The following TMEM117 variants were observed in gnomAD, a reference collection of about 807,000 sequenced individuals.
The protein encoded by TMEM117 is transmembrane protein 117.
A neutral mutation model predicts 52.4 loss-of-function variants in TMEM117; 27 were observed. The observed-to-expected ratio is 0.51, with a 90% CI of 0.38 to 0.71. The LOEUF (loss-of-function observed/expected upper bound fraction) is 0.71. Ranked by LOEUF, TMEM117 falls within the 30% of genes least tolerant of loss-of-function variation. The pLI is 0.00. For missense variants in TMEM117, 556 were observed against 630.5 expected (o/e 0.88, Z 1.26); for synonymous variants, 215 against 206.3 (o/e 1.04, Z -0.36).
chr12:44,041,449 C>T (rs1399273128), intron 3 of TMEM117, among the ~76,000 whole-genome samples: 1 of 152,058 alleles, frequency 6.6e-6, no homozygotes, highest in Non-Finnish European at 1.5e-5. Context: ...CACTACCTCT[C>T]AGTAATGTTT....
At chr12:44,267,031 G>T (rs1024339882) in intron 5 of TMEM117, among the ~76,000 whole-genome samples, 8 of 152,014 alleles carry the variant, frequency 5.3e-5, no homozygotes, top group African/African-American at 1.7e-4. Flanking sequence ...TTTAGGATTA[G>T]CTTGTCAATT....
chr12:44,050,661 C>T (rs1049708945), intron 3 of TMEM117, among the ~76,000 whole-genome samples: 7 of 152,156 alleles, frequency 4.6e-5, no homozygotes, highest in African/African-American at 1.7e-4. Flanking sequence ...TATGTTGTGG[C>T]ATTGTGCTTG....
chr12:44,312,571 T>C (rs1007577732), intron 6 of TMEM117, among the ~76,000 whole-genome samples: 2 of 152,232 alleles, frequency 1.3e-5, no homozygotes, highest in African/African-American at 4.8e-5. Context: ...GTGATACATA[T>C]GTGAGTGCAC....
intron 6 of TMEM117, among the ~76,000 whole-genome samples, chr12:44,309,134 G>A (rs1236860893): frequency 2.6e-5 from 4 of 152,174 alleles, no homozygotes; most frequent in Non-Finnish European, 5.9e-5. Flanking sequence ...GCTATTGTTA[G>A]ACCGACAAGT....
rs75937926 is a variant in TMEM117 at position 43,876,476 on chromosome 12, A to T, written c.277+31548A>T. On this transcript the variant is annotated intron_variant, in intron 2 of 7. Coordinates refer to ENST00000266534, the MANE Select transcript of TMEM117 (RefSeq NM_032256.3). ...TAGCTGCCAGATGGAGGATAAGAGG[A>T]TGGAGAAGACATTCTTATTTGCTCA... 9.6e-3 allele frequency among the ~76,000 whole-genome samples: 1,464 copies of T among 152,342 alleles called. 8 individuals are homozygous for T. Among genetic ancestry groups the T allele is most frequent in the East Asian group, 0.016 (85 of 5,196 alleles).
chr12:43,867,784 A>T (rs959697332), intron 2 of TMEM117, among the ~76,000 whole-genome samples: 1 of 152,312 alleles, frequency 6.6e-6, no homozygotes, highest in East Asian at 1.9e-4. Flanking sequence ...GAATCAAAAT[A>T]TCTGATACTA....
chr12:43,830,466 C>T, the TMEM117 span, among the ~76,000 whole-genome samples: 1 of 151,532 alleles, frequency 6.6e-6, no homozygotes, highest in African/African-American at 2.4e-5. Flanking sequence ...AAAAATTAGC[C>T]AGGCGTGGTG....
chr12:44,102,847 G>A (rs996346894), intron 3 of TMEM117, among the ~76,000 whole-genome samples: 1 of 151,928 alleles, frequency 6.6e-6, no homozygotes, highest in Non-Finnish European at 1.5e-5. Flanking sequence ...CATGGGAGTG[G>A]TTACCTCCAT....
chr12:43,852,463 G>A (rs571925582), intron 2 of TMEM117, among the ~76,000 whole-genome samples: 32 of 152,226 alleles, frequency 2.1e-4, no homozygotes, highest in African/African-American at 7.7e-4. Flanking sequence ...TTAGCTGGGT[G>A]TGGTGGCACA....
intron 2 of TMEM117, among the ~76,000 whole-genome samples, chr12:43,926,160 T>G (rs1446229881): frequency 6.6e-6 from 1 of 152,250 alleles, no homozygotes; most frequent in Non-Finnish European, 1.5e-5. Flanking sequence ...CTTTTGTACT[T>G]TAATAGAATA....
At chr12:43,989,855 C>G (rs953943868) in intron 3 of TMEM117, among the ~76,000 whole-genome samples, 20 of 152,086 alleles carry the variant, frequency 1.3e-4, no homozygotes, top group Admixed American at 8.5e-4. Flanking sequence ...ATCTTAAAAT[C>G]TGTCTTATCT....
chr12:44,333,486 G>C (rs1027426009), intron 6 of TMEM117, among the ~76,000 whole-genome samples: 4 of 151,952 alleles, frequency 2.6e-5, no homozygotes, highest in African/African-American at 9.7e-5. Context: ...GCAGAAATTG[G>C]ATCATGGAGG....
intron 3 of TMEM117, among the ~76,000 whole-genome samples, chr12:43,959,058 T>C (rs540190061): frequency 2.5e-4 from 38 of 152,166 alleles, no homozygotes; most frequent in East Asian, 7.8e-4. Flanking sequence ...CCGCCCGCCT[T>C]GGCCTCCCAA....
chr12:44,210,232 A>G (rs2138395050), intron 4 of TMEM117, among the ~76,000 whole-genome samples: 1 of 152,220 alleles, frequency 6.6e-6, no homozygotes, highest in South Asian at 2.1e-4. Flanking sequence ...AAGGGAAGGC[A>G]GATTTTCTGG....
At chr12:44,153,051 A>T (rs1488859965) in intron 4 of TMEM117, among the ~76,000 whole-genome samples, 1 of 151,742 alleles carries the variant, frequency 6.6e-6, no homozygotes, top group African/African-American at 2.4e-5. Context: ...TAATTCCAGA[A>T]GTACTACAAA....
intron 3 of TMEM117, chr12:44,009,921 T>C (rs1042012414): frequency 1.4e-5 from 4 of 276,066 alleles, no homozygotes; most frequent in African/African-American, 9.1e-5. Context: ...CAATCACTGA[T>C]AGCATAATTT....
chr12:44,198,326 C>T (rs1267377789), intron 4 of TMEM117, among the ~76,000 whole-genome samples: 2 of 152,256 alleles, frequency 1.3e-5, no homozygotes, highest in South Asian at 2.1e-4. Context: ...TTGTTTCCAT[C>T]TCAGAGTAAT....
intron 5 of TMEM117, among the ~76,000 whole-genome samples, chr12:44,266,511 C>G (rs1263949648): frequency 6.6e-6 from 1 of 152,012 alleles, no homozygotes; most frequent in African/African-American, 2.4e-5. Context: ...TTTATATATT[C>G]TGCATATAAG....
At chr12:44,232,648 C>T (rs750108854) in intron 5 of TMEM117, among the ~76,000 whole-genome samples, 3 of 151,378 alleles carry the variant, frequency 2.0e-5, no homozygotes, top group Middle Eastern at 3.4e-3. Context: ...ATTGGAATTT[C>T]GACTACAATT....
Sources: allele counts gnomAD v4.1 joint callset (sites outside exome capture counted in the v4.1 genomes callset), GRCh38; gene constraint gnomAD v4.1.1; transcripts MANE v1.5; gene names NCBI Gene and HGNC (gene_info 2026-07-23, HGNC 2026-07-21).